Variants in LMO3 observed in about 807,000 individuals in gnomAD.
The protein encoded by LMO3 is LIM domain only protein 3.
A neutral mutation model predicts 15.8 loss-of-function variants in LMO3; 2 were observed. That is an observed-to-expected ratio of 0.13 (90% confidence interval 0.05 to 0.40). The LOEUF is 0.40. Ranked by LOEUF, LMO3 falls within the 10% of genes least tolerant of loss-of-function variation. The pLI is 0.99. For synonymous variants in LMO3, 62 were observed against 63.8 expected (o/e 0.97, Z 0.13); for missense variants, 86 against 182.2 (o/e 0.47, Z 3.04).
At chr12:16,578,842 C>CAACAACAACAACAACAAA (rs2137516755) in intron 2 of LMO3, among the ~76,000 whole-genome samples, 1 of 151,872 alleles carries the variant, frequency 6.6e-6, no homozygotes, top group East Asian at 1.9e-4. Flanking sequence ...ACAACAACAA[C>CAACAACAACAACAACAAA]AACAACAACA....
chr12:16,561,442 T>C (rs2137341555), intron 2 of LMO3, among the ~76,000 whole-genome samples: 2 of 152,198 alleles, frequency 1.3e-5, no homozygotes, highest in African/African-American at 4.8e-5. Flanking sequence ...CATCTGCCAG[T>C]TTTCTTTTTT....
rs945164180 is a variant in LMO3 at position 16,584,624 on chromosome 12, A to G, written c.206+16031T>C. 3.9e-5 allele frequency among the ~76,000 whole-genome samples: 6 copies of G among 152,154 alleles called. No individual in the cohort carries two copies. Among genetic ancestry groups the G allele is most frequent in the Admixed American group, 2.6e-4 (4 of 15,254 alleles). The stretch of plus-strand genomic sequence containing the variant: ...GGCCTGTTTAGAGGTGGATGGCCTC[A>G]GATGTCTTAGCTTTGGCACAGTGAG... On this transcript the variant is annotated intron_variant, in intron 2 of 3. Coordinates refer to ENST00000537304, the MANE Select transcript of LMO3 (RefSeq NM_018640.5). The surrounding 1 kb of genome is among the most constrained non-coding windows in gnomAD (Gnocchi z 5.2).
At chr12:16,554,628 G>A (rs1054634208) in intron 3 of LMO3, among the ~76,000 whole-genome samples, 4 of 152,104 alleles carry the variant, frequency 2.6e-5, no homozygotes, top group Admixed American at 6.5e-5. Context: ...ATTATTCAAA[G>A]TTTACCTTAC....
intron 2 of LMO3, among the ~76,000 whole-genome samples, chr12:16,577,466 A>G (rs1233144430): frequency 5.3e-5 from 8 of 152,096 alleles, no homozygotes; most frequent in Non-Finnish European, 1.2e-4. Context: ...CAGCATTCCT[A>G]AATATATTAT....
rs1334603226 is a variant in LMO3, at chr12:16,576,595, G to A, written c.207-16057C>T. 6.6e-6 allele frequency among the ~76,000 whole-genome samples: 1 copy of A among 152,092 alleles called. No homozygotes were observed. The highest frequency in any genetic ancestry group is 2.4e-5 in the African/African-American group (1 of 41,400). ...ATCTGTATCAGTTACGTACCTGTTT[G>A]TCTCTTTCTCACTACATAATAAGCT... On this transcript the variant is annotated intron_variant, in intron 2 of 3. Coordinates refer to ENST00000537304, the MANE Select transcript of LMO3 (RefSeq NM_018640.5). The surrounding 1 kb of genome is among the most constrained non-coding windows in gnomAD (Gnocchi z 4.1).
At position 16,599,763 on chromosome 12, in the gene LMO3, T is replaced by C. The variant is rs1262656657; in HGVS notation, c.206+892A>G. The C allele has an allele frequency of 6.6e-6, 1 of 152,180 alleles. No homozygotes were observed. 9.4% of individuals were successfully genotyped at this position (152,180 alleles called of 1,614,324 possible). The stretch of plus-strand genomic sequence containing the variant: ...ATTTTCCTTCAGCAGAAATTCTGTG[T>C]TGAGTACTTAATGCTGGAAAACAAG... On this transcript the variant is annotated intron_variant, in intron 2 of 3. Coordinates refer to ENST00000537304, the MANE Select transcript of LMO3 (RefSeq NM_018640.5). This position sits in a 1 kb window ranked among gnomAD's most constrained non-coding sequence, Gnocchi z 4.1.
intron 3 of LMO3, among the ~76,000 whole-genome samples, chr12:16,556,335 C>A (rs931597315): frequency 2.6e-4 from 40 of 152,090 alleles, no homozygotes; most frequent in African/African-American, 8.9e-4. Context: ...CCTGCGGTAC[C>A]TTTTAAAATA....
chr12:16,572,439 A>C (rs1762340824), intron 2 of LMO3, among the ~76,000 whole-genome samples: 1 of 148,948 alleles, frequency 6.7e-6, no homozygotes, highest in Non-Finnish European at 1.5e-5. Flanking sequence ...TAAAAAAAAA[A>C]CAGAGCTACT....
At chr12:16,605,971 G>A in intron 1 of LMO3, 95 bp downstream of exon 1, 5 of 711,764 alleles carry the variant, frequency 7.0e-6, no homozygotes, top group Middle Eastern at 2.5e-4. Flanking sequence ...GGTTGGGGAA[G>A]AAAAAAATAC....
intron 2 of LMO3, among the ~76,000 whole-genome samples, chr12:16,578,474 C>T (rs1943061098): frequency 6.6e-6 from 1 of 152,100 alleles, no homozygotes; most frequent in Admixed American, 6.6e-5. Context: ...CTCAGGCTGG[C>T]CCATGCTCAG....
intron 2 of LMO3, among the ~76,000 whole-genome samples, chr12:16,595,068 G>A (rs114113008): frequency 0.024 from 3,597 of 151,518 alleles, 143 homozygotes; most frequent in African/African-American, 0.082. Flanking sequence ...TGTAGAAACA[G>A]AATATTTTTC....
intron 2 of LMO3, among the ~76,000 whole-genome samples, chr12:16,590,625 T>C (rs1198926069): frequency 1.3e-5 from 2 of 152,006 alleles, no homozygotes; most frequent in Non-Finnish European, 2.9e-5. Flanking sequence ...TCGGTATCAT[T>C]GTGATCAGGA....
chr12:16,608,138 G>GTGTGTGTGTGTGCATATGTGTGCA (rs1491440775), upstream of LMO3: 1 of 151,600 alleles, frequency 6.6e-6, no homozygotes, highest in Non-Finnish European at 1.5e-5. This position sits in a 1 kb window ranked among gnomAD's most constrained non-coding sequence, Gnocchi z 4.1. Flanking sequence ...GTATGTGTGA[G>GTGTGTGTGTGTGCATATGTGTGCA]TGTGTGTGTG....
At chr12:16,574,687 A>C (rs937852138) in intron 2 of LMO3, among the ~76,000 whole-genome samples, 4 of 152,222 alleles carry the variant, frequency 2.6e-5, no homozygotes, top group Admixed American at 6.5e-5. Flanking sequence ...AGACACATAA[A>C]GAAGAAAAAT....
rs1412998127 is a variant in LMO3 at position 16,555,166 on chromosome 12, ATC to A, written c.333-3841_333-3840del. On this transcript the variant is annotated intron_variant, in intron 3 of 3. Coordinates refer to ENST00000537304, the MANE Select transcript of LMO3 (RefSeq NM_018640.5). The surrounding 1 kb of genome is among the most constrained non-coding windows in gnomAD (Gnocchi z 5.5). ...GACTAATACTTTATCAGAATTTGCT[ATC>A]ATTATTATTTGGTAATGATAATCTT... Among the ~76,000 whole-genome samples the A allele has an allele frequency of 6.6e-6, 1 of 152,226 alleles. No individual in the cohort carries two copies. The highest frequency in any genetic ancestry group is 2.4e-5 in the African/African-American group (1 of 41,466).
intron 2 of LMO3, among the ~76,000 whole-genome samples, chr12:16,568,867 T>G (rs959208874): frequency 6.6e-6 from 1 of 152,172 alleles, no homozygotes; most frequent in Admixed American, 6.5e-5. Flanking sequence ...TCCAAAATTT[T>G]CTAACTGAAA....
In LMO3 at chr12:16,594,180, GT is replaced by G. The variant is rs1943577101; in HGVS notation, c.206+6474del. On this transcript the variant is annotated intron_variant, in intron 2 of 3. Transcript: ENST00000537304. Reference sequence around the variant, plus strand: ...TGGCTAAAGTCAATGATGACAAAAGGTAATGGCCATTCTAAGGTTACACAGA... The same window carrying G: ...TGGCTAAAGTCAATGATGACAAAAGGAATGGCCATTCTAAGGTTACACAGA... 9 of 1,532,790 alleles carry G rather than the reference GT, an allele frequency of 5.9e-6. No individual in the cohort carries two copies. In the East Asian group the frequency reaches 2.0e-4, roughly 33 times the overall value. 94.9% of individuals were successfully genotyped at this position (1,532,790 alleles called of 1,614,324 possible). A position where few individuals can be genotyped will look rare whatever the true frequency, so the allele number is the denominator to read the frequency against.
chr12:16,558,564 T>A (rs2137313451), intron 3 of LMO3, among the ~76,000 whole-genome samples: 1 of 151,662 alleles, frequency 6.6e-6, no homozygotes, highest in East Asian at 1.9e-4. Context: ...ACCAAAAACA[T>A]GTGCATTTGC....
In LMO3 at chr12:16,591,764, G is replaced by T. The variant is rs1229282827; in HGVS notation, c.206+8891C>A. 6.6e-6 allele frequency among the ~76,000 whole-genome samples: 1 copy of T among 152,024 alleles called. No individual in the cohort carries two copies. Among genetic ancestry groups the T allele is most frequent in the Non-Finnish European group, 1.5e-5 (1 of 67,974 alleles). ...GAAAGTTACAAGCTAAGTCTGTCTTGCTCTGCACCCAAAATATAACCCGTG... is the reference window on the plus strand; with the variant it reads ...GAAAGTTACAAGCTAAGTCTGTCTTTCTCTGCACCCAAAATATAACCCGTG... On this transcript the variant is annotated intron_variant, in intron 2 of 3. Coordinates refer to ENST00000537304, the MANE Select transcript of LMO3 (RefSeq NM_018640.5). The surrounding 1 kb of genome is among the most constrained non-coding windows in gnomAD (Gnocchi z 4.1).
Sources: gnomAD v4.1 joint callset for allele counts (sites outside exome capture counted in the v4.1 genomes callset) on GRCh38, gnomAD v4.1.1 for gene constraint, Gnocchi (gnomAD v3.1) non-coding constraint, MANE v1.5 for transcripts, NCBI Gene and HGNC (gene_info 2026-07-23, HGNC 2026-07-21) for gene names.